SMIM14: variants seen among roughly 807,000 people sequenced by gnomAD.
SMIM14 encodes the protein small integral membrane protein 14, also known as chromosome 4 open reading frame 34.
SMIM14 carries 5 observed loss-of-function variants against 12.6 expected under a neutral mutation model. The ratio of observed to expected loss-of-function variants is 0.40; its 90% CI spans 0.21 to 0.83. SMIM14 has a LOEUF of 0.83. Ranked by LOEUF, SMIM14 falls within the 40% of genes least tolerant of loss-of-function variation. SMIM14 has a pLI of 0.37. For missense variants in SMIM14, 86 were observed against 119.1 expected (o/e 0.72, Z 1.29); for synonymous variants, 30 against 40.1 (o/e 0.75, Z 0.95).
In SMIM14 at chr4:39,605,197, A is replaced by C. The variant is rs1714760915; in HGVS notation, c.-35-17T>G. Reference sequence around the variant, plus strand: ...TGTTTAAATCTAGGAGGAAGGAAAAAATACTGTTAAGTCTACAATTCAGAA... The same window carrying C: ...TGTTTAAATCTAGGAGGAAGGAAAACATACTGTTAAGTCTACAATTCAGAA... On this transcript the variant is annotated splice_polypyrimidine_tract_variant and intron_variant, in intron 1 of 4. Coordinates refer to ENST00000295958, the MANE Select transcript of SMIM14 (RefSeq NM_174921.3). The C allele has an allele frequency of 1.4e-6, 2 of 1,422,234 alleles. No homozygotes were observed. The highest frequency in any genetic ancestry group is 1.9e-6 in the Non-Finnish European group (2 of 1,039,242). The allele number at this position is 1,422,234 out of a possible 1,614,324, so 88.1% of individuals were successfully genotyped here.
chr4:39,595,775 AT>A (rs774530327), intron 2 of SMIM14, among the ~76,000 whole-genome samples: 1 of 151,516 alleles, frequency 6.6e-6, no homozygotes, highest in Non-Finnish European at 1.5e-5. Flanking sequence ...CACCTGGCTA[AT>A]TTTTTTTATT....
intron 2 of SMIM14, chr4:39,594,330 T>C (rs1304557137): frequency 7.2e-5 from 11 of 152,172 alleles, no homozygotes; most frequent in African/African-American, 2.4e-4. Context: ...TAAATGGTGC[T>C]GGGAAAACTG....
chr4:39,579,941 C>T (rs1458996723), intron 2 of SMIM14, among the ~76,000 whole-genome samples: 1 of 151,632 alleles, frequency 6.6e-6, no homozygotes, highest in African/African-American at 2.4e-5. Context: ...ACAAATGTAG[C>T]TTCCATGAGG....
At chr4:39,594,707 G>GA (rs1233529742) in intron 2 of SMIM14, 122 of 147,174 alleles carry the variant, frequency 8.3e-4, no homozygotes, top group Admixed American at 1.9e-3. Flanking sequence ...AAATTTACAA[G>GA]AAAAAAACAA....
chr4:39,581,733 T>C (rs886176744), intron 2 of SMIM14, among the ~76,000 whole-genome samples: 2 of 151,876 alleles, frequency 1.3e-5, no homozygotes, highest in Non-Finnish European at 2.9e-5. Context: ...CTGGCTGTTT[T>C]TGTATTTTTA....
At chr4:39,622,212 T>C (rs1486299590) in intron 1 of SMIM14, among the ~76,000 whole-genome samples, 1 of 150,328 alleles carries the variant, frequency 6.7e-6, no homozygotes, top group African/African-American at 2.5e-5. Context: ...GCCTCCCGAG[T>C]AGCTGGGACT....
intron 4 of SMIM14, among the ~76,000 whole-genome samples, chr4:39,555,104 G>A (rs1448636279): frequency 6.6e-6 from 1 of 151,304 alleles, no homozygotes; most frequent in Non-Finnish European, 1.5e-5. Context: ...CCAAAGTGCT[G>A]GAATTACAGG....
At chr4:39,599,362 T>G (rs1714508724) in intron 2 of SMIM14, among the ~76,000 whole-genome samples, 1 of 152,090 alleles carries the variant, frequency 6.6e-6, no homozygotes, top group African/African-American at 2.4e-5. Context: ...TGGAAGCTAC[T>G]GTAGGATTCT....
At chr4:39,555,132 G>A (rs1047372855) in intron 4 of SMIM14, among the ~76,000 whole-genome samples, 19 of 151,418 alleles carry the variant, frequency 1.3e-4, no homozygotes, top group African/African-American at 4.4e-4. Flanking sequence ...CACCGCGCCC[G>A]GCCTCATGGA....
intron 1 of SMIM14, among the ~76,000 whole-genome samples, chr4:39,606,596 G>A (rs559417548): frequency 4.6e-4 from 66 of 145,006 alleles, no homozygotes; most frequent in African/African-American, 1.3e-3. Flanking sequence ...AGCCAAGATC[G>A]CGCCACTGCA....
chr4:39,562,806 C>CGG (rs1712376549), intron 3 of SMIM14, among the ~76,000 whole-genome samples: 1 of 151,330 alleles, frequency 6.6e-6, no homozygotes, highest in African/African-American at 2.4e-5. Flanking sequence ...CCCACCTGAC[C>CGG]CTAATTTTTG....
intron 1 of SMIM14, among the ~76,000 whole-genome samples, chr4:39,613,553 A>C (rs1426030717): frequency 1.3e-5 from 2 of 152,162 alleles, no homozygotes; most frequent in African/African-American, 2.4e-5. Flanking sequence ...AGAAGAAAAA[A>C]ACTTAACCAG....
intron 3 of SMIM14, among the ~76,000 whole-genome samples, chr4:39,557,051 G>A (rs1443009524): frequency 7.0e-6 from 1 of 143,442 alleles, no homozygotes; most frequent in African/African-American, 2.7e-5. Context: ...GTCTCACTCT[G>A]TTGCCAAGGC....
intron 1 of SMIM14, among the ~76,000 whole-genome samples, chr4:39,606,635 G>A (rs7690390): frequency 0.46 from 48,899 of 105,244 alleles, 8,712 homozygotes; most frequent in South Asian, 0.54. Context: ...GCAAGACTCC[G>A]TCTCAAAAAA....
chr4:39,607,233 C>T (rs1312527673), intron 1 of SMIM14, among the ~76,000 whole-genome samples: 1 of 152,142 alleles, frequency 6.6e-6, no homozygotes, highest in Non-Finnish European at 1.5e-5. Flanking sequence ...TCCATCAAAA[C>T]TTATCAAATT....
intron 4 of SMIM14, 25 bp from the exon 5 acceptor site, chr4:39,552,183 T>C (rs758903063): frequency 1.0e-5 from 16 of 1,546,084 alleles, no homozygotes; most frequent in African/African-American, 1.4e-5. Context: ...AAATAAATTA[T>C]TTAATTGACT....
chr4:39,553,776 T>G (rs1341074197), intron 4 of SMIM14, among the ~76,000 whole-genome samples: 1 of 151,846 alleles, frequency 6.6e-6, no homozygotes, highest in Non-Finnish European at 1.5e-5. Context: ...GTACTTTTAA[T>G]AGAGACGGAG....
At chr4:39,634,872 G>A (rs1716035103) in intron 1 of SMIM14, among the ~76,000 whole-genome samples, 1 of 152,186 alleles carries the variant, frequency 6.6e-6, no homozygotes, top group East Asian at 1.9e-4. Flanking sequence ...GTATGTTCAA[G>A]AGGAATACAG....
chr4:39,627,833 G>T (rs1715754347), intron 1 of SMIM14, among the ~76,000 whole-genome samples: 1 of 152,168 alleles, frequency 6.6e-6, no homozygotes, highest in African/African-American at 2.4e-5. Context: ...GCCTGGTCAA[G>T]GTCCAGGGGT....
Sources: gnomAD v4.1 joint callset for allele counts (sites outside exome capture counted in the v4.1 genomes callset) on GRCh38, gnomAD v4.1.1 for gene constraint, MANE v1.5 for transcripts, NCBI Gene and HGNC (gene_info 2026-07-23, HGNC 2026-07-21) for gene names.